CROT: variants seen among roughly 807,000 people sequenced by gnomAD.
CROT encodes the protein carnitine O-octanoyltransferase, also known as peroxisomal carnitine O-octanoyltransferase.
Under a neutral mutation model 89.2 loss-of-function variants are expected in CROT, and 84 were observed. The ratio of observed to expected loss-of-function variants is 0.94; its 90% CI spans 0.79 to 1.13. The LOEUF (loss-of-function observed/expected upper bound fraction) is 1.13. Among genes scored for constraint, CROT ranks in the 50% most tolerant of loss-of-function variants. The pLI, the probability that CROT is intolerant of heterozygous loss-of-function variation, is 0.00. For synonymous variants in CROT, 212 were observed against 239.5 expected, an observed-to-expected ratio of 0.89 and a Z score of 1.06; for missense variants, 711 against 727.8, an observed-to-expected ratio of 0.98 and a Z score of 0.27.
intron 13 of CROT, 137 bp downstream of exon 13, chr7:87,382,680 A>G (rs1292484953): frequency 1.3e-6 from 1 of 792,356 alleles, no homozygotes; most frequent in Non-Finnish European, 2.0e-6. Flanking sequence ...TTGTACTTCC[A>G]TCAATAGAGT....
chr7:87,392,875 A>G lies in CROT; in HGVS notation c.1598+52A>G, dbSNP rs149541443. 10 of 1,609,360 alleles carry G rather than the reference A, an allele frequency of 6.2e-6. No individual in the cohort carries two copies. The African/African-American group carries it at 6.7e-5, about 11-fold the overall frequency. On this transcript the variant is annotated intron_variant, in intron 16 of 17. Transcript: ENST00000331536. ...TCATCAATTGGCTTCCTCTTTTTGT[A>G]TATTAAATGGTTTTTAGAAACAATA...
At chr7:87,358,204 G>A (rs1584623393) in intron 3 of CROT, among the ~76,000 whole-genome samples, 1 of 151,990 alleles carries the variant, frequency 6.6e-6, no homozygotes, top group South Asian at 2.1e-4. Context: ...CAGGCCGTGC[G>A]CAGTGCCTCA....
At chr7:87,373,545 T>A (rs778592529) in intron 7 of CROT, among the ~76,000 whole-genome samples, 12 of 151,996 alleles carry the variant, frequency 7.9e-5, no homozygotes, top group Non-Finnish European at 1.6e-4. Flanking sequence ...AAGATCTTTT[T>A]AAAAAAAATT....
In CROT at chr7:87,391,677, A is replaced by C; in HGVS notation, c.1390A>C (p.Arg464=). The C allele has an allele frequency of 6.2e-7, 1 of 1,611,086 alleles. No homozygotes were observed. The highest frequency in any genetic ancestry group is 8.5e-7 in the Non-Finnish European group (1 of 1,178,920). Residue 464 remains arginine (R), a synonymous_variant, in exon 14 of 18, where the codon AGG becomes CGG. Coordinates refer to ENST00000331536, the MANE Select transcript of CROT (RefSeq NM_021151.4). ...GCGATCATGCACAGTTGAAGCAGTG[A>C]GGTGGTGCCAGTCCATGCAGGATCC... The part of the protein sequence containing the change: ...TMRSCTVEAV[R]WCQSMQDPSV...
intron 13 of CROT, among the ~76,000 whole-genome samples, chr7:87,387,949 C>G (rs1273025465): frequency 6.6e-6 from 1 of 152,176 alleles, no homozygotes; most frequent in Non-Finnish European, 1.5e-5. Flanking sequence ...AAGACTTTGG[C>G]ACCATTGAGT....
chr7:87,349,980 A>G (rs905117491), intron 3 of CROT, among the ~76,000 whole-genome samples: 2 of 152,190 alleles, frequency 1.3e-5, no homozygotes, highest in African/African-American at 4.8e-5. Flanking sequence ...GTTTCTAGAA[A>G]GTTAATATAC....
intron 7 of CROT, among the ~76,000 whole-genome samples, chr7:87,369,982 T>C (rs1032948026): frequency 2.0e-5 from 3 of 151,862 alleles, no homozygotes; most frequent in Admixed American, 2.0e-4. Context: ...AGTTACCAAC[T>C]CCTAGCATCA....
chr7:87,371,043 C>T (rs1033790824), intron 7 of CROT, among the ~76,000 whole-genome samples: 10 of 152,184 alleles, frequency 6.6e-5, no homozygotes, highest in African/African-American at 2.4e-4. Context: ...TTCTATTAAA[C>T]ACATCTTCCT....
rs115057218 is a variant in CROT at position 87,378,856 on chromosome 7, C to A, written c.978+1406C>A. Among the ~76,000 whole-genome samples the A allele has an allele frequency of 3.5e-3, 539 of 152,214 alleles. 5 individuals are homozygous for A. Among genetic ancestry groups the A allele is most frequent in the African/African-American group, 0.012 (498 of 41,520 alleles). On this transcript the variant is annotated intron_variant, in intron 10 of 17. Transcript: ENST00000331536. Reference sequence around the variant, plus strand: ...GGTTGCCTAAAGAACAGTAAAGTAGCTGTTATTTCAGAACAAGGTGGATTG... The same window carrying A: ...GGTTGCCTAAAGAACAGTAAAGTAGATGTTATTTCAGAACAAGGTGGATTG...
chr7:87,347,380 C>T (rs1188218894), intron 2 of CROT, among the ~76,000 whole-genome samples: 1 of 152,180 alleles, frequency 6.6e-6, no homozygotes, highest in East Asian at 1.9e-4. Context: ...AAAACAAATT[C>T]TGACTTTATT....
At chr7:87,354,088 T>C (rs1487464072) in intron 3 of CROT, among the ~76,000 whole-genome samples, 1 of 152,224 alleles carries the variant, frequency 6.6e-6, no homozygotes, top group Admixed American at 6.5e-5. Flanking sequence ...GTTAAAAGGC[T>C]GAAAACATTT....
chr7:87,382,515 C>T lies in CROT; in HGVS notation c.1273C>T (p.Gln425Ter). Reference sequence around the variant, plus strand: ...GGATACGTTTATTCAGCTTGCACTTCAGCTGGCCTATTACAGACTTCATGG... The same window carrying T: ...GGATACGTTTATTCAGCTTGCACTTTAGCTGGCCTATTACAGACTTCATGG... The part of the protein sequence containing the change: ...HPDTFIQLAL[Q>*]LAYYRLHGHP... Residue 425 changes from glutamine (Q) to a stop codon, truncating the protein, a stop_gained, in exon 13 of 18, where the codon CAG (glutamine) becomes TAG (stop). Coordinates refer to ENST00000331536, the MANE Select transcript of CROT (RefSeq NM_021151.4). LOFTEE classifies it high-confidence loss of function. 6.2e-7 allele frequency: 1 copy of T among 1,613,902 alleles called. No individual in the cohort carries two copies. Among genetic ancestry groups the T allele is most frequent in the African/African-American group, 1.3e-5 (1 of 75,052 alleles).
At chr7:87,391,733 A>G (rs1807367967) in intron 14 of CROT, 21 bp downstream of exon 14, 4 of 1,596,186 alleles carry the variant, frequency 2.5e-6, no homozygotes, top group Middle Eastern at 3.3e-4. Context: ...GAAAGGAAAA[A>G]AACTCACAAG....
intron 7 of CROT, among the ~76,000 whole-genome samples, chr7:87,372,636 A>G (rs762215472): frequency 3.9e-5 from 6 of 152,182 alleles, no homozygotes; most frequent in Admixed American, 6.5e-5. Context: ...ACAACTACCA[A>G]TCTACTTTCT....
Position 87,373,521 on chromosome 7 carries a change from A to G in CROT, c.657-2111A>G, listed in dbSNP as rs1806706010. On this transcript the variant is annotated intron_variant, in intron 7 of 17. Coordinates refer to ENST00000331536, the MANE Select transcript of CROT (RefSeq NM_021151.4). ...AATCTGAGGACATGAAGATTTACAC[A>G]TATATTATCTTTTAAGATCTTTTTA... 2.0e-5 allele frequency among the ~76,000 whole-genome samples: 3 copies of G among 152,110 alleles called. No homozygotes were observed. The South Asian group carries it at 6.2e-4, about 31-fold the overall frequency.
In CROT at chr7:87,392,715, G is replaced by C. The variant is rs766440611; in HGVS notation, c.1505-15G>C. The C allele has an allele frequency of 1.9e-6, 3 of 1,612,168 alleles. No homozygotes were observed. The highest frequency in any genetic ancestry group is 2.5e-6 in the Non-Finnish European group (3 of 1,179,034). ...AAAATTTTTTTCTAACCTGAGATTT[G>C]GGGTTTCATTGCAGGATTTGATCGT... On this transcript the variant is annotated splice_polypyrimidine_tract_variant and intron_variant, in intron 15 of 17. Coordinates refer to ENST00000331536, the MANE Select transcript of CROT (RefSeq NM_021151.4).
chr7:87,379,725 G>A (rs1806930555), intron 10 of CROT, among the ~76,000 whole-genome samples: 1 of 152,202 alleles, frequency 6.6e-6, no homozygotes, highest in South Asian at 2.1e-4. Context: ...ATCTCCACCT[G>A]ATAATTTGCA....
At chr7:87,352,642 C>T (rs1412039092) in intron 3 of CROT, among the ~76,000 whole-genome samples, 1 of 152,152 alleles carries the variant, frequency 6.6e-6, no homozygotes. Context: ...TTATTCCCCA[C>T]AACAAGCCCT....
At chr7:87,393,897 A>G (rs1562940618) in intron 17 of CROT, among the ~76,000 whole-genome samples, 1 of 152,208 alleles carries the variant, frequency 6.6e-6, no homozygotes, top group African/African-American at 2.4e-5. Context: ...TTGGAGATTG[A>G]GACAATTTGA....
Sources: allele counts gnomAD v4.1 joint callset (sites outside exome capture counted in the v4.1 genomes callset), GRCh38; gene constraint gnomAD v4.1.1; transcripts MANE v1.5; gene names NCBI Gene and HGNC (gene_info 2026-07-23, HGNC 2026-07-21).